The following WAPL variants were observed in gnomAD, a reference collection of about 807,000 sequenced individuals.
The protein encoded by WAPL is WAPL cohesin release factor.
Under a neutral mutation model 121.0 loss-of-function variants are expected in WAPL, and 5 were observed. That is an observed-to-expected ratio of 0.04 (90% confidence interval 0.02 to 0.09). WAPL has a LOEUF of 0.09. WAPL is among the 10% of genes least tolerant of loss of function. The probability of loss-of-function intolerance (pLI) is 1.00; values close to 1 mark genes in which losing one functional copy is unlikely to be tolerated. For synonymous variants in WAPL, 480 were observed against 481.5 expected (o/e 1.00, Z 0.04); for missense variants, 999 against 1,410.8 (o/e 0.71, Z 4.68).
At chr10:86,521,017 G>A (rs1337701194) in intron 1 of WAPL, among the ~76,000 whole-genome samples, 1 of 152,028 alleles carries the variant, frequency 6.6e-6, no homozygotes, top group Non-Finnish European at 1.5e-5. Context: ...CCAGGAAAGG[G>A]AGGTCACTTT....
intron 9 of WAPL, among the ~76,000 whole-genome samples, chr10:86,461,768 T>C (rs1381927098): frequency 2.6e-5 from 4 of 152,212 alleles, no homozygotes; most frequent in Admixed American, 6.5e-5. Flanking sequence ...GTTTGTATTT[T>C]TACAACGACA....
chr10:86,467,616 T>G (rs531173226), intron 8 of WAPL, 110 bp from the exon 9 acceptor site: 1 of 785,110 alleles, frequency 1.3e-6, no homozygotes, highest in Admixed American at 3.1e-5. Context: ...TGCTTAAAAC[T>G]TATATTACTA....
chr10:86,507,710 T>G (rs182442541), intron 2 of WAPL, among the ~76,000 whole-genome samples: 3 of 149,624 alleles, frequency 2.0e-5, no homozygotes, highest in Non-Finnish European at 1.5e-5. Context: ...TAAAATCAGA[T>G]AGCCCACTGT....
intron 4 of WAPL, 68 bp downstream of exon 4, chr10:86,497,132 TA>T (rs1402383358): frequency 1.3e-5 from 17 of 1,270,960 alleles, no homozygotes; most frequent in Non-Finnish European, 1.8e-5. Context: ...AACTTTCAAA[TA>T]AAAAATTAAG....
Position 86,500,426 on chromosome 10 carries a change from C to T in WAPL, c.817G>A (p.Glu273Lys). Residue 273 changes from glutamate to lysine, a missense_variant, in exon 3 of 19, where the codon GAA (glutamate) becomes AAA (lysine). Glu to Lys is a moderately conservative substitution (Grantham distance 56, BLOSUM62 1). Around this residue, in one of 7 missense-constraint regions of WAPL, gnomAD observed 531 missense variants for 563.1 expected, o/e 0.94. Transcript: ENST00000298767. ...TCCTCAATGGCTTCATTCAGATTTT[C>T]CAATCGATTTTTAAAATCGTCATCC... ...MKDDDFKNRLENLNEAIEEDI... is the reference protein window; with the variant it reads ...MKDDDFKNRLKNLNEAIEEDI... 6.2e-7 allele frequency: 1 copy of T among 1,614,210 alleles called. No individual in the cohort carries two copies. The highest frequency in any genetic ancestry group is 8.5e-7 in the Non-Finnish European group (1 of 1,180,044).
chr10:86,500,153 A>G lies in WAPL; in HGVS notation c.1090T>C (p.Ser364Pro). 6.2e-7 allele frequency: 1 copy of G among 1,614,180 alleles called. No homozygotes were observed. Among genetic ancestry groups the G allele is most frequent in the Non-Finnish European group, 8.5e-7 (1 of 1,180,036 alleles). ...RTRDYTVLHP[S>P]CLSVCNVTIQ... ...GTAACATTACAAACTGACAAGCAAG[A>G]TGGATGTAAAACAGTGTAATCTCTA... The change falls in exon 3 of 19, where the codon TCT (serine) becomes CCT (proline). Residue 364 changes from serine (S) to proline (P), a missense_variant. Physicochemically the swap from Ser to Pro is moderately conservative, Grantham distance 74. Around this residue, in one of 7 missense-constraint regions of WAPL, gnomAD observed 531 missense variants for 563.1 expected, o/e 0.94. Transcript: ENST00000298767.
In WAPL at chr10:86,472,202, T is replaced by G; in HGVS notation, c.2030+6A>C. On this transcript the variant is annotated splice_donor_region_variant and intron_variant, in intron 7 of 18. Transcript: ENST00000298767. The surrounding 1 kb of genome is among the most constrained non-coding windows in gnomAD (Gnocchi z 4.2). ...ATAATTGTAAAATATAAAAATAAGATCTTACCTAAGGCAACGTGTGTTTAG... is the reference window on the plus strand; with the variant it reads ...ATAATTGTAAAATATAAAAATAAGAGCTTACCTAAGGCAACGTGTGTTTAG... 1 of 1,552,724 alleles carries G rather than the reference T, an allele frequency of 6.4e-7. No homozygotes were observed. Among genetic ancestry groups the G allele is most frequent in the Non-Finnish European group, 8.6e-7 (1 of 1,156,576 alleles).
chr10:86,488,024 T>A (rs1213277016), intron 4 of WAPL, among the ~76,000 whole-genome samples: 1 of 152,100 alleles, frequency 6.6e-6, no homozygotes, highest in East Asian at 1.9e-4. Flanking sequence ...GTCAGCATAG[T>A]CAAGAAACTA....
At chr10:86,516,921 A>G (rs534244536) in intron 2 of WAPL, among the ~76,000 whole-genome samples, 134 of 152,230 alleles carry the variant, frequency 8.8e-4, no homozygotes, top group Admixed American at 3.7e-3. Context: ...TGTCTCTACT[A>G]AAAATACAAA....
chr10:86,519,397 T>C (rs1335303342), intron 1 of WAPL, among the ~76,000 whole-genome samples: 1 of 143,668 alleles, frequency 7.0e-6, no homozygotes, highest in Non-Finnish European at 1.5e-5. Context: ...CCTATACTTT[T>C]GAATATGTTT....
chr10:86,442,560 C>A (rs1052488942), intron 17 of WAPL, among the ~76,000 whole-genome samples: 3 of 152,068 alleles, frequency 2.0e-5, no homozygotes, highest in African/African-American at 7.2e-5. Flanking sequence ...CCTAATAAAG[C>A]CATAAAGATC....
chr10:86,499,839 G>GTCATCATCT lies in WAPL; in HGVS notation c.1395_1403dup (p.Glu465_Asp467dup). 6.2e-7 allele frequency: 1 copy of GTCATCATCT among 1,613,966 alleles called. No individual in the cohort carries two copies. Among genetic ancestry groups the GTCATCATCT allele is most frequent in the Non-Finnish European group, 8.5e-7 (1 of 1,179,978 alleles). On this transcript the variant is annotated inframe_insertion, in exon 3 of 19. Coordinates refer to ENST00000298767, the MANE Select transcript of WAPL (RefSeq NM_015045.5). ...TGCTTGTCTTTCTTTCTACTTGACA[G>GTCATCATCT]TCATCATCTTCATCATCTTCGCTTT...
At chr10:86,508,185 T>C (rs887150458) in intron 2 of WAPL, among the ~76,000 whole-genome samples, 4 of 152,154 alleles carry the variant, frequency 2.6e-5, no homozygotes, top group African/African-American at 9.7e-5. Flanking sequence ...TTAAGTAACA[T>C]CTATCTGAAC....
At chr10:86,453,863 G>A (rs529853207) in intron 12 of WAPL, 32 bp from the exon 13 acceptor site, 3 of 1,439,018 alleles carry the variant, frequency 2.1e-6, no homozygotes, top group South Asian at 1.5e-5. Flanking sequence ...GACTATTATA[G>A]TAAATAATAA....
intron 2 of WAPL, among the ~76,000 whole-genome samples, chr10:86,506,285 G>A (rs769184788): frequency 1.3e-5 from 2 of 152,138 alleles, no homozygotes; most frequent in Non-Finnish European, 2.9e-5. Context: ...GGTGAGGAAG[G>A]AGGAAGTGAT....
rs556916591 is a variant in WAPL, at chr10:86,521,648, C to T, written c.-306G>A. On this transcript the variant is annotated 5_prime_UTR_variant, in exon 1 of 19. Transcript: ENST00000298767. ...TGGTAACAGAGCCTGCTGTGTGCCC[C>T]CGCTGGGCCGCCGCCGCCTCCTGCG... 1.9e-5 allele frequency: 9 copies of T among 461,804 alleles called. No homozygotes were observed. Among genetic ancestry groups the T allele is most frequent in the Non-Finnish European group, 4.0e-5 (9 of 223,914 alleles). 28.6% of individuals were successfully genotyped at this position (461,804 alleles called of 1,614,324 possible). A position where few individuals can be genotyped will look rare whatever the true frequency, so the allele number is the denominator to read the frequency against.
intron 8 of WAPL, among the ~76,000 whole-genome samples, chr10:86,468,758 G>T (rs1163592899): frequency 6.6e-6 from 1 of 151,826 alleles, no homozygotes; most frequent in Non-Finnish European, 1.5e-5. Flanking sequence ...GAGGTAAGGT[G>T]ATCAAGACCA....
chr10:86,517,273 T>C (rs943065583), intron 2 of WAPL, among the ~76,000 whole-genome samples: 12 of 152,346 alleles, frequency 7.9e-5, no homozygotes, highest in East Asian at 3.9e-4. Context: ...ATGAGATACT[T>C]TGTGATCCTA....
intron 4 of WAPL, among the ~76,000 whole-genome samples, chr10:86,474,450 G>T (rs1206397971): frequency 6.7e-6 from 1 of 149,442 alleles, no homozygotes; most frequent in Non-Finnish European, 1.5e-5. Flanking sequence ...GGAGGCAGAG[G>T]TTGCAGTGAG....
Sources: gnomAD v4.1 joint callset for allele counts (sites outside exome capture counted in the v4.1 genomes callset) on GRCh38, gnomAD v4.1.1 for gene constraint, gnomAD v4.1.1 regional missense constraint, Gnocchi (gnomAD v3.1) non-coding constraint, MANE v1.5 for transcripts, NCBI Gene and HGNC (gene_info 2026-07-23, HGNC 2026-07-21) for gene names.